MPZL1: variants seen among roughly 807,000 people sequenced by gnomAD.
The protein encoded by MPZL1 is myelin protein zero-like protein 1.
Under a neutral mutation model 29.3 loss-of-function variants are expected in MPZL1, and 16 were observed. That is an observed-to-expected ratio of 0.55 (90% confidence interval 0.37 to 0.83). The LOEUF (loss-of-function observed/expected upper bound fraction) is 0.83. Ranked by LOEUF, MPZL1 falls within the 40% of genes least tolerant of loss-of-function variation. MPZL1 has a pLI of 0.00. For missense variants in MPZL1, 279 were observed against 332.9 expected, an observed-to-expected ratio of 0.84 and a Z score of 1.26; for synonymous variants, 143 against 132.0, an observed-to-expected ratio of 1.08 and a Z score of -0.57.
chr1:167,734,213 G>A (rs1270654926), intron 1 of MPZL1, among the ~76,000 whole-genome samples: 6 of 151,166 alleles, frequency 4.0e-5, no homozygotes, highest in East Asian at 3.9e-4. Context: ...CCAAGATTGC[G>A]CCACTGCACT....
chr1:167,741,982 A>G (rs545671524), intron 1 of MPZL1, among the ~76,000 whole-genome samples: 5 of 151,850 alleles, frequency 3.3e-5, no homozygotes, highest in African/African-American at 1.2e-4. Flanking sequence ...GAAGTGAGCC[A>G]TGATCATGCC....
In MPZL1 at chr1:167,773,529, T is replaced by A. The variant is rs1003892117; in HGVS notation, c.605+161T>A. On this transcript the variant is annotated intron_variant, in intron 4 of 5. Transcript: ENST00000359523. ...TAGGAGGTGTTCTAACATGGGCAAG[T>A]GGAAATCAGTGGGCCTGCTATTAAA... The A allele has an allele frequency of 1.4e-5, 10 of 700,450 alleles. No homozygotes were observed. In the African/African-American group the frequency reaches 1.8e-4, roughly 13 times the overall value. 43.4% of individuals were successfully genotyped at this position (700,450 alleles called of 1,614,324 possible).
chr1:167,754,401 G>C (rs1363323683), intron 1 of MPZL1, among the ~76,000 whole-genome samples: 1 of 152,222 alleles, frequency 6.6e-6, no homozygotes, highest in Non-Finnish European at 1.5e-5. Context: ...ACACACACTT[G>C]TGGGTGGTTA....
chr1:167,722,910 A>G (rs1333849857), intron 1 of MPZL1, among the ~76,000 whole-genome samples: 1 of 152,242 alleles, frequency 6.6e-6, no homozygotes, highest in African/African-American at 2.4e-5. Flanking sequence ...CAAATCCATC[A>G]TAATTCCAGA....
At chr1:167,725,296 C>G (rs1571127714) in intron 1 of MPZL1, among the ~76,000 whole-genome samples, 1 of 151,988 alleles carries the variant, frequency 6.6e-6, no homozygotes, top group South Asian at 2.1e-4. Context: ...CCTCTTTTTC[C>G]CCCTCTGGAG....
At position 167,722,115 on chromosome 1, in the gene MPZL1, A is replaced by C. The variant is rs961669234; in HGVS notation, c.-37A>C. 3 of 1,233,436 alleles carry C rather than the reference A, an allele frequency of 2.4e-6. No individual in the cohort carries two copies. The African/African-American group carries it at 4.7e-5, about 19-fold the overall frequency. The allele number at this position is 1,233,436 out of a possible 1,614,324, so 76.4% of individuals were successfully genotyped here. ...CCTCAGCGGGGACCCGGGCTCAGGG[A>C]CGCGGCGGCGGCGGCGGCGACTGCA... On this transcript the variant is annotated 5_prime_UTR_variant, in exon 1 of 6. Coordinates refer to ENST00000359523, the MANE Select transcript of MPZL1 (RefSeq NM_003953.6).
intron 1 of MPZL1, among the ~76,000 whole-genome samples, chr1:167,759,054 T>C (rs1186658491): frequency 1.3e-5 from 2 of 152,248 alleles, no homozygotes; most frequent in Non-Finnish European, 2.9e-5. Context: ...ATTGGTTTTA[T>C]TCAGGAATCA....
chr1:167,753,048 G>A (rs1016427442), intron 1 of MPZL1, among the ~76,000 whole-genome samples: 2 of 152,208 alleles, frequency 1.3e-5, no homozygotes, highest in Non-Finnish European at 2.9e-5. Context: ...TTCACTGAAA[G>A]GTGTGTCTTC....
rs1380179221 is a variant in MPZL1 at position 167,722,009 on chromosome 1, C to T, written c.-143C>T. On this transcript the variant is annotated 5_prime_UTR_variant, in exon 1 of 6. Coordinates refer to ENST00000359523, the MANE Select transcript of MPZL1 (RefSeq NM_003953.6). ...AGAGCTGGAGAGCCGCGGCTGGGAC[C>T]GGAGTGGGGAGCGCGGCGTGGAGGT... 4 of 1,161,220 alleles carry T rather than the reference C, an allele frequency of 3.4e-6. No homozygotes were observed. In the African/African-American group the frequency reaches 4.8e-5, roughly 14 times the overall value. The allele number at this position is 1,161,220 out of a possible 1,614,324, so 71.9% of individuals were successfully genotyped here. A position where few individuals can be genotyped will look rare whatever the true frequency, so the allele number is the denominator to read the frequency against.
chr1:167,722,440 G>T lies in MPZL1; in HGVS notation c.91+198G>T, dbSNP rs1558104152. Among the ~76,000 whole-genome samples, 3 of 152,216 alleles carry T rather than the reference G, an allele frequency of 2.0e-5. No homozygotes were observed. The South Asian group carries it at 6.2e-4, about 32-fold the overall frequency. On this transcript the variant is annotated intron_variant, in intron 1 of 5. Transcript: ENST00000359523. ...CCGCGACTGGCCGGGAAGGCGCAGAGCCTCTTTCTTCTCTTTCCTGGATCC... is the reference window on the plus strand; with the variant it reads ...CCGCGACTGGCCGGGAAGGCGCAGATCCTCTTTCTTCTCTTTCCTGGATCC...
At chr1:167,773,421 A>T in intron 4 of MPZL1, 53 bp downstream of exon 4, 1 of 1,545,546 alleles carries the variant, frequency 6.5e-7, no homozygotes, top group Non-Finnish European at 8.7e-7. Context: ...ATCAGGGTTT[A>T]TAGAAACTTC....
intron 1 of MPZL1, among the ~76,000 whole-genome samples, chr1:167,755,930 T>C (rs1660860620): frequency 6.6e-6 from 1 of 152,010 alleles, no homozygotes; most frequent in South Asian, 2.1e-4. Flanking sequence ...ACAGTACATA[T>C]ATAGAGGAGG....
intron 1 of MPZL1, among the ~76,000 whole-genome samples, chr1:167,734,432 G>A (rs1361321446): frequency 6.6e-6 from 1 of 152,042 alleles, no homozygotes; most frequent in Non-Finnish European, 1.5e-5. Flanking sequence ...AACACCCTGA[G>A]TTGCGTAACA....
intron 1 of MPZL1, among the ~76,000 whole-genome samples, chr1:167,735,852 A>G (rs1330644611): frequency 6.6e-6 from 1 of 152,084 alleles, no homozygotes; most frequent in Non-Finnish European, 1.5e-5. Flanking sequence ...TCACAGAAAT[A>G]ACTAATGAAT....
intron 1 of MPZL1, among the ~76,000 whole-genome samples, chr1:167,734,675 T>C (rs1425590875): frequency 6.6e-6 from 1 of 152,172 alleles, no homozygotes; most frequent in Non-Finnish European, 1.5e-5. Flanking sequence ...AGTCTAGTTA[T>C]AGATCTAGAA....
At chr1:167,747,781 A>G (rs1374687303) in intron 1 of MPZL1, among the ~76,000 whole-genome samples, 1 of 151,986 alleles carries the variant, frequency 6.6e-6, no homozygotes, top group Non-Finnish European at 1.5e-5. Flanking sequence ...ATACTGTGGA[A>G]TTCACCCATT....
At chr1:167,764,394 GCTAA>G (rs1459771481) in intron 1 of MPZL1, among the ~76,000 whole-genome samples, 1 of 152,102 alleles carries the variant, frequency 6.6e-6, no homozygotes, top group Non-Finnish European at 1.5e-5. Context: ...CTGGGCTTAG[GCTAA>G]CTGACAAAAC....
intron 1 of MPZL1, among the ~76,000 whole-genome samples, chr1:167,729,216 G>T (rs1660216928): frequency 6.6e-6 from 1 of 151,888 alleles, no homozygotes; most frequent in Non-Finnish European, 1.5e-5. Flanking sequence ...GTTGCAGTGA[G>T]CTGAGATCGT....
chr1:167,786,110 C>A (rs1661588226), intron 5 of MPZL1, among the ~76,000 whole-genome samples: 1 of 152,182 alleles, frequency 6.6e-6, no homozygotes, highest in Non-Finnish European at 1.5e-5. Flanking sequence ...GTCTTTTTAA[C>A]TTCCTTTTGT....
Sources: allele counts gnomAD v4.1 joint callset (sites outside exome capture counted in the v4.1 genomes callset), GRCh38; gene constraint gnomAD v4.1.1; transcripts MANE v1.5; gene names NCBI Gene and HGNC (gene_info 2026-07-23, HGNC 2026-07-21).